Variants in THSD7B observed in about 807,000 individuals in gnomAD.
THSD7B encodes thrombospondin type-1 domain-containing protein 7B.
THSD7B carries 138 observed loss-of-function variants against 213.6 expected under a neutral mutation model. The ratio of observed to expected loss-of-function variants is 0.65; its 90% confidence interval spans 0.56 to 0.74. THSD7B has a LOEUF of 0.74. Among genes scored for constraint, THSD7B ranks in the 30% least tolerant of loss-of-function variants. The pLI is 0.00. For missense variants in THSD7B, 1,931 were observed against 1,991.5 expected (o/e 0.97, Z 0.58); for synonymous variants, 742 against 687.0 (o/e 1.08, Z -1.25).
At chr2:137,487,528 G>A (rs1688487890) in intron 15 of THSD7B, among the ~76,000 whole-genome samples, 1 of 151,494 alleles carries the variant, frequency 6.6e-6, no homozygotes, top group Admixed American at 6.6e-5. Flanking sequence ...CCAGGAGCTG[G>A]TTTTTTGAAA....
chr2:137,557,274 T>C (rs911763932), intron 15 of THSD7B, among the ~76,000 whole-genome samples: 1 of 152,166 alleles, frequency 6.6e-6, no homozygotes, highest in African/African-American at 2.4e-5. Context: ...TATTCCTAAA[T>C]TGAGCACATA....
chr2:136,974,817 C>T lies in THSD7B; in HGVS notation c.140-81603C>T, dbSNP rs113560590. Among the ~76,000 whole-genome samples the T allele has an allele frequency of 8.6e-3, 1,317 of 152,324 alleles. 27 individuals are homozygous for T. Among genetic ancestry groups the T allele is most frequent in the African/African-American group, 0.031 (1,275 of 41,566 alleles). Reference sequence around the variant, plus strand: ...TTAAACTAATTTACATTCCCACCAACAGTGTAAAAGCGTTCCTGTCTCTCT... The same window carrying T: ...TTAAACTAATTTACATTCCCACCAATAGTGTAAAAGCGTTCCTGTCTCTCT... On this transcript the variant is annotated intron_variant, in intron 2 of 27. Transcript: ENST00000409968.
At chr2:137,543,998 A>G (rs1680653718) in intron 15 of THSD7B, among the ~76,000 whole-genome samples, 1 of 151,784 alleles carries the variant, frequency 6.6e-6, no homozygotes, top group South Asian at 2.1e-4. Flanking sequence ...AATTGTAATC[A>G]TCATGTATTG....
chr2:137,432,370 A>G (rs371062966), intron 14 of THSD7B, among the ~76,000 whole-genome samples: 2 of 152,252 alleles, frequency 1.3e-5, no homozygotes, highest in African/African-American at 4.8e-5. Flanking sequence ...CAGCCTGCCG[A>G]CAGAGCGGAA....
intron 12 of THSD7B, among the ~76,000 whole-genome samples, chr2:137,374,208 A>C (rs1464836420): frequency 6.6e-6 from 1 of 152,054 alleles, no homozygotes; most frequent in East Asian, 1.9e-4. Context: ...GTAAACACAC[A>C]ATGGGATATT....
intron 5 of THSD7B, among the ~76,000 whole-genome samples, chr2:137,152,455 G>A (rs772358152): frequency 1.6e-4 from 24 of 152,230 alleles, no homozygotes; most frequent in Middle Eastern, 3.4e-3. Flanking sequence ...GGAGATTTAA[G>A]AAGCCTGGAG....
chr2:137,182,473 G>T (rs1393174291), intron 7 of THSD7B, among the ~76,000 whole-genome samples: 1 of 152,184 alleles, frequency 6.6e-6, no homozygotes, highest in Non-Finnish European at 1.5e-5. Flanking sequence ...TATAGTGTAT[G>T]AAGCTGCCTA....
chr2:137,478,555 C>G (rs1421755391), intron 15 of THSD7B, among the ~76,000 whole-genome samples: 1 of 151,854 alleles, frequency 6.6e-6, no homozygotes, highest in East Asian at 1.9e-4. Context: ...GATTCTTTTT[C>G]AAAAATTTCA....
chr2:137,070,431 T>G (rs141311264), intron 3 of THSD7B, among the ~76,000 whole-genome samples: 132 of 152,102 alleles, frequency 8.7e-4, no homozygotes, highest in African/African-American at 3.1e-3. Context: ...GCACTTGTAT[T>G]TTCATATTTT....
intron 1 of THSD7B, among the ~76,000 whole-genome samples, chr2:136,815,190 T>C (rs1397049777): frequency 6.6e-6 from 1 of 152,252 alleles, no homozygotes; most frequent in Admixed American, 6.5e-5. Context: ...TCTGTTGTTT[T>C]AAATGCACAT....
At chr2:137,182,214 A>G (rs1010355622) in intron 7 of THSD7B, among the ~76,000 whole-genome samples, 1 of 152,208 alleles carries the variant, frequency 6.6e-6, no homozygotes, top group African/African-American at 2.4e-5. Flanking sequence ...TGAGACAAGT[A>G]GGACCCTGTG....
At chr2:136,949,777 G>A (rs1331376147) in intron 2 of THSD7B, among the ~76,000 whole-genome samples, 1 of 152,158 alleles carries the variant, frequency 6.6e-6, no homozygotes, top group African/African-American at 2.4e-5. Context: ...GCCAGGTGTG[G>A]TGATTTCTTA....
At chr2:137,006,359 C>T (rs1686111025) in intron 2 of THSD7B, among the ~76,000 whole-genome samples, 1 of 152,176 alleles carries the variant, frequency 6.6e-6, no homozygotes. Context: ...GACACCACTG[C>T]ACTCCAGCCT....
intron 15 of THSD7B, among the ~76,000 whole-genome samples, chr2:137,558,138 G>T (rs1193405604): frequency 6.6e-6 from 1 of 152,124 alleles, no homozygotes; most frequent in South Asian, 2.1e-4. Context: ...AGAGGTACAA[G>T]GAGGAGCTGG....
intron 2 of THSD7B, among the ~76,000 whole-genome samples, chr2:137,031,658 C>CA (rs1466999344): frequency 6.7e-6 from 1 of 148,700 alleles, no homozygotes; most frequent in African/African-American, 2.4e-5. Flanking sequence ...AAAATATATT[C>CA]AAAAAGAAGC....
At chr2:137,315,384 C>A (rs565137082) in intron 12 of THSD7B, among the ~76,000 whole-genome samples, 7 of 152,228 alleles carry the variant, frequency 4.6e-5, no homozygotes, top group Non-Finnish European at 8.8e-5. Context: ...AGTGCGCGCA[C>A]CCACTGACCT....
At chr2:137,347,803 G>A (rs867030493) in intron 12 of THSD7B, among the ~76,000 whole-genome samples, 5 of 151,370 alleles carry the variant, frequency 3.3e-5, no homozygotes, top group African/African-American at 1.2e-4. Flanking sequence ...TGACTTAAGA[G>A]TTATTTACAT....
chr2:137,311,924 A>G (rs1006349311), intron 12 of THSD7B, among the ~76,000 whole-genome samples: 11 of 140,528 alleles, frequency 7.8e-5, no homozygotes, highest in East Asian at 6.0e-4. Flanking sequence ...TTTATTGAGG[A>G]TTTTTGCATC....
At chr2:136,917,058 C>T (rs1684361980) in intron 2 of THSD7B, among the ~76,000 whole-genome samples, 2 of 152,192 alleles carry the variant, frequency 1.3e-5, no homozygotes, top group Non-Finnish European at 2.9e-5. Context: ...TTATCAGTCT[C>T]ATAGAGGAGC....
Sources: gnomAD v4.1 joint callset for allele counts (sites outside exome capture counted in the v4.1 genomes callset) on GRCh38, gnomAD v4.1.1 for gene constraint, MANE v1.5 for transcripts, NCBI Gene and HGNC (gene_info 2026-07-23, HGNC 2026-07-21) for gene names.